Variants in CTTNBP2 observed in about 807,000 individuals in gnomAD.
The protein encoded by CTTNBP2 is cortactin binding protein 2, also known as cortactin-binding protein 2.
Under a neutral mutation model 156.9 loss-of-function variants are expected in CTTNBP2, and 108 were observed. The ratio of observed to expected loss-of-function variants is 0.69; its 90% confidence interval spans 0.59 to 0.81. CTTNBP2 has a LOEUF of 0.81. CTTNBP2 is among the 30% of genes least tolerant of loss of function. CTTNBP2 has a pLI of 0.00. For missense variants in CTTNBP2, 1,924 were observed against 2,035.4 expected (o/e 0.95, Z 1.05); for synonymous variants, 767 against 751.8 (o/e 1.02, Z -0.33).
chr7:117,737,226 A>G (rs1795753712), intron 14 of CTTNBP2, among the ~76,000 whole-genome samples: 1 of 152,228 alleles, frequency 6.6e-6, no homozygotes, highest in Admixed American at 6.5e-5. Flanking sequence ...TATTTCAGAA[A>G]TAGATGTATT....
chr7:117,835,700 T>C (rs1015891815), intron 2 of CTTNBP2, among the ~76,000 whole-genome samples: 5 of 152,196 alleles, frequency 3.3e-5, no homozygotes, highest in Non-Finnish European at 7.4e-5. Flanking sequence ...TCAACACGCA[T>C]TCGTCTTGAT....
At chr7:117,833,685 C>A (rs1479825116) in intron 2 of CTTNBP2, among the ~76,000 whole-genome samples, 1 of 152,202 alleles carries the variant, frequency 6.6e-6, no homozygotes, top group African/African-American at 2.4e-5. Flanking sequence ...TACCTGTTTG[C>A]AATTCCATCT....
chr7:117,715,639 A>G (rs577526714), intron 22 of CTTNBP2: 18 of 152,204 alleles, frequency 1.2e-4, no homozygotes, highest in African/African-American at 4.3e-4. Context: ...TTAATTCAGA[A>G]GGCCTGCTAA....
chr7:117,827,881 C>A (rs928503125), intron 2 of CTTNBP2, among the ~76,000 whole-genome samples: 1 of 152,120 alleles, frequency 6.6e-6, no homozygotes, highest in Admixed American at 6.5e-5. Context: ...GTTGACTTGG[C>A]TAAAAATTAA....
At chr7:117,720,267 C>A (rs1794708934) in intron 20 of CTTNBP2, among the ~76,000 whole-genome samples, 2 of 152,168 alleles carry the variant, frequency 1.3e-5, no homozygotes, top group Non-Finnish European at 1.5e-5. Context: ...AGTGACAGGG[C>A]ACACAATTTA....
intron 9 of CTTNBP2, among the ~76,000 whole-genome samples, chr7:117,766,654 C>T (rs1797500555): frequency 6.6e-6 from 1 of 152,150 alleles, no homozygotes; most frequent in Non-Finnish European, 1.5e-5. Context: ...CAATTATCTT[C>T]ATAGAAAAGT....
rs1795605550 is a variant in CTTNBP2, at chr7:117,735,042, G to A, written c.3747C>T (p.Ile1249=). 5.6e-6 allele frequency: 9 copies of A among 1,614,194 alleles called. No individual in the cohort carries two copies. Among genetic ancestry groups the A allele is most frequent in the Non-Finnish European group, 6.8e-6 (8 of 1,180,022 alleles). ...CGGAGCCCTGGAGACAGGCCTTGGC[G>A]ATGGTTCCCATCAGAAAGCAGTTCT... The part of the protein sequence containing the change: ...FHENCFLMGT[I]AKACLQGSDL... Residue 1249 remains isoleucine (I), a synonymous_variant, in exon 16 of 23, where the codon ATC becomes ATT. Transcript: ENST00000160373.
At chr7:117,814,340 T>C (rs985498399) in intron 2 of CTTNBP2, among the ~76,000 whole-genome samples, 1 of 152,132 alleles carries the variant, frequency 6.6e-6, no homozygotes, top group African/African-American at 2.4e-5. Flanking sequence ...AACTGAGTCA[T>C]ATTGTGACAC....
chr7:117,858,998 C>A (rs749898062), intron 2 of CTTNBP2, among the ~76,000 whole-genome samples: 6 of 152,064 alleles, frequency 3.9e-5, no homozygotes, highest in South Asian at 2.1e-4. Flanking sequence ...CAAATAGACA[C>A]GTGTTTTATC....
intron 8 of CTTNBP2, among the ~76,000 whole-genome samples, chr7:117,768,581 A>AAAAAAAAAAAAGAAAG (rs1554419704): frequency 5.0e-4 from 50 of 99,086 alleles, no homozygotes; most frequent in East Asian, 7.5e-4. Flanking sequence ...AAAAAAAAAA[A>AAAAAAAAAAAAGAAAG]AAAGAAAGAA....
At chr7:117,866,078 C>G (rs890196865) in intron 1 of CTTNBP2, among the ~76,000 whole-genome samples, 2 of 151,578 alleles carry the variant, frequency 1.3e-5, no homozygotes, top group East Asian at 3.9e-4. Context: ...TTGGCGCAAG[C>G]GTGGGGAGGG....
At chr7:117,737,309 T>TA (rs1235763605) in intron 14 of CTTNBP2, among the ~76,000 whole-genome samples, 8 of 152,190 alleles carry the variant, frequency 5.3e-5, no homozygotes, top group Admixed American at 3.9e-4. Flanking sequence ...ATTCAGCGAT[T>TA]AAAAAAACAC....
intron 14 of CTTNBP2, among the ~76,000 whole-genome samples, chr7:117,742,561 A>C (rs1160946054): frequency 1.3e-5 from 2 of 152,200 alleles, no homozygotes; most frequent in African/African-American, 4.8e-5. Flanking sequence ...CTCAGGGAGA[A>C]GAAACAAGAG....
intron 2 of CTTNBP2, among the ~76,000 whole-genome samples, chr7:117,854,244 A>G (rs935518664): frequency 2.0e-5 from 3 of 152,230 alleles, no homozygotes; most frequent in African/African-American, 7.2e-5. Context: ...TAATTCATTC[A>G]TTAATTATAA....
intron 3 of CTTNBP2, among the ~76,000 whole-genome samples, chr7:117,806,748 T>C (rs1234441337): frequency 6.7e-5 from 9 of 133,922 alleles, no homozygotes; most frequent in Non-Finnish European, 1.4e-4. Flanking sequence ...TTTCTCATTT[T>C]TTTTTTTTTT....
intron 2 of CTTNBP2, among the ~76,000 whole-genome samples, chr7:117,836,864 G>A (rs372174083): frequency 1.3e-5 from 2 of 152,144 alleles, no homozygotes; most frequent in Admixed American, 6.5e-5. Flanking sequence ...TCACTACCAG[G>A]AGAACAGTAT....
At chr7:117,802,437 C>CAAAAAAAAAAAAAA (rs759797673) in intron 3 of CTTNBP2, among the ~76,000 whole-genome samples, 67 of 83,574 alleles carry the variant, frequency 8.0e-4, no homozygotes, top group Non-Finnish European at 1.6e-3. Context: ...TCAGCATTGG[C>CAAAAAAAAAAAAAA]AAAAAAAAAA....
chr7:117,871,874 A>ACC (rs1554454009), intron 1 of CTTNBP2: 11 of 916,920 alleles, frequency 1.2e-5, no homozygotes, highest in African/African-American at 1.9e-5. Context: ...ACACACACAC[A>ACC]CCCTCTTTCT....
intron 14 of CTTNBP2, among the ~76,000 whole-genome samples, chr7:117,738,840 T>C (rs1318676027): frequency 6.6e-6 from 1 of 152,164 alleles, no homozygotes; most frequent in Non-Finnish European, 1.5e-5. Context: ...TGGGGTCTCT[T>C]GGAAAGAGGC....
Sources: allele counts gnomAD v4.1 joint callset (sites outside exome capture counted in the v4.1 genomes callset), GRCh38; gene constraint gnomAD v4.1.1; transcripts MANE v1.5; gene names NCBI Gene and HGNC (gene_info 2026-07-23, HGNC 2026-07-21).